MYRFL: variants seen among roughly 807,000 people sequenced by gnomAD.
MYRFL encodes the protein myelin regulatory factor like.
Under a neutral mutation model 109.4 loss-of-function variants are expected in MYRFL, and 88 were observed. The ratio of observed to expected loss-of-function variants is 0.80; its 90% CI spans 0.68 to 0.96. The LOEUF (loss-of-function observed/expected upper bound fraction) is 0.96. Among genes scored for constraint, MYRFL ranks in the 40% least tolerant of loss-of-function variants. The probability of loss-of-function intolerance (pLI) is 0.00; values close to 1 mark genes in which losing one functional copy is unlikely to be tolerated. For missense variants in MYRFL, 957 were observed against 954.9 expected (o/e 1.00, Z -0.03); for synonymous variants, 324 against 320.9 (o/e 1.01, Z -0.10).
intron 5 of MYRFL, among the ~76,000 whole-genome samples, chr12:69,885,338 T>G (rs1886381661): frequency 6.6e-6 from 1 of 152,038 alleles, no homozygotes; most frequent in South Asian, 2.1e-4. Context: ...TTACATTTGG[T>G]ATGAAAAGCA....
chr12:69,841,235 G>A (rs146160096), intron 1 of MYRFL, among the ~76,000 whole-genome samples: 56 of 152,196 alleles, frequency 3.7e-4, no homozygotes, highest in African/African-American at 1.3e-3. Context: ...CTCCTTCCCC[G>A]GCTCCTCATC....
intron 15 of MYRFL, among the ~76,000 whole-genome samples, chr12:69,929,389 T>A (rs1955200358): frequency 6.6e-6 from 1 of 152,202 alleles, no homozygotes; most frequent in South Asian, 2.1e-4. Flanking sequence ...TGTACCTGGA[T>A]GTCAGCAATG....
chr12:69,908,609 A>C (rs1018025917), intron 11 of MYRFL, among the ~76,000 whole-genome samples: 3 of 152,150 alleles, frequency 2.0e-5, no homozygotes, highest in Non-Finnish European at 4.4e-5. Flanking sequence ...AATATTTTCA[A>C]CACCTCCTCA....
chr12:69,869,298 G>T (rs1240226), intron 2 of MYRFL, among the ~76,000 whole-genome samples: 37,833 of 152,070 alleles, frequency 0.25, 5,471 homozygotes, highest in Middle Eastern at 0.38. Flanking sequence ...GCTTAGTATT[G>T]TTTTCAAATT....
In MYRFL at chr12:69,958,591, C is replaced by T. The variant is rs1042461917; in HGVS notation, c.*60C>T. The stretch of plus-strand genomic sequence containing the variant: ...TACTCAGGAATACATTTAACAGAAA[C>T]GAACATCCTCTTGCAACTTCTTTTT... On this transcript the variant is annotated 3_prime_UTR_variant, in exon 25 of 25. Coordinates refer to ENST00000552032, the MANE Select transcript of MYRFL (RefSeq NM_182530.3). The T allele has an allele frequency of 2.4e-5, 29 of 1,220,862 alleles. No homozygotes were observed. The highest frequency in any genetic ancestry group is 1.1e-4 in the South Asian group (8 of 71,680). The allele number at this position is 1,220,862 out of a possible 1,614,324, so 75.6% of individuals were successfully genotyped here.
At chr12:69,948,091 T>G (rs896881971) in intron 19 of MYRFL, among the ~76,000 whole-genome samples, 3 of 152,122 alleles carry the variant, frequency 2.0e-5, no homozygotes, top group Admixed American at 6.6e-5. Context: ...TGGAAGGCAT[T>G]TGTAAAATGA....
intron 1 of MYRFL, among the ~76,000 whole-genome samples, chr12:69,828,021 T>A (rs761168370): frequency 1.5e-4 from 23 of 152,266 alleles, no homozygotes; most frequent in Non-Finnish European, 3.1e-4. Context: ...TATAATGTTA[T>A]AATCAGGGAA....
intron 1 of MYRFL, among the ~76,000 whole-genome samples, chr12:69,828,123 G>T (rs1179247771): frequency 6.6e-6 from 1 of 152,024 alleles, no homozygotes; most frequent in Non-Finnish European, 1.5e-5. Flanking sequence ...ATTTTGACAT[G>T]GATTGAAAGG....
At chr12:69,922,001 G>A (rs1948450) in intron 13 of MYRFL, among the ~76,000 whole-genome samples, 20,061 of 151,994 alleles carry the variant, frequency 0.13, 1,655 homozygotes, top group African/African-American at 0.24. Flanking sequence ...TTTAAAGAAG[G>A]AGATGGTTAC....
At chr12:69,947,154 A>T (rs2120530884) in intron 19 of MYRFL, 1 of 152,366 alleles carries the variant, frequency 6.6e-6, no homozygotes, top group South Asian at 2.1e-4. Context: ...TAAAGCATTA[A>T]AGACCAATTA....
chr12:69,851,940 G>C (rs548220760), intron 1 of MYRFL, among the ~76,000 whole-genome samples: 7 of 152,170 alleles, frequency 4.6e-5, no homozygotes, highest in Non-Finnish European at 7.4e-5. Flanking sequence ...GGGATTACAG[G>C]CATGAGCTGT....
At chr12:69,859,058 C>A (rs1010215439) in intron 2 of MYRFL, among the ~76,000 whole-genome samples, 2 of 151,716 alleles carry the variant, frequency 1.3e-5, no homozygotes, top group Non-Finnish European at 2.9e-5. Context: ...TTTTTCAGTT[C>A]AAAATACTTT....
chr12:69,866,818 G>T (rs1193524112), intron 2 of MYRFL, among the ~76,000 whole-genome samples: 1 of 152,202 alleles, frequency 6.6e-6, no homozygotes, highest in Non-Finnish European at 1.5e-5. Flanking sequence ...TGTCCCATTA[G>T]ATGCTGTGAG....
In MYRFL at chr12:69,950,169, G is replaced by A. The variant is rs553088007; in HGVS notation, c.2225-1944G>A. ...AGACCACAAACTCTACTTGTATGAA[G>A]AAGGTTAACGTTTCATTATTTTACT... On this transcript the variant is annotated intron_variant, in intron 19 of 24. Coordinates refer to ENST00000552032, the MANE Select transcript of MYRFL (RefSeq NM_182530.3). Among the ~76,000 whole-genome samples, 247 of 152,062 alleles carry A rather than the reference G, an allele frequency of 1.6e-3. 1 individual carries two copies. Among genetic ancestry groups the A allele is most frequent in the South Asian group, 5.8e-3 (28 of 4,818 alleles).
intron 5 of MYRFL, among the ~76,000 whole-genome samples, chr12:69,882,423 T>C (rs1438046799): frequency 1.3e-5 from 2 of 152,250 alleles, no homozygotes; most frequent in African/African-American, 4.8e-5. Flanking sequence ...TCCTATTTGA[T>C]GTTGCAGGGG....
At position 69,891,079 on chromosome 12, in the gene MYRFL, C is replaced by T. The variant is rs541173571; in HGVS notation, c.816C>T (p.Ile272=). 1 of 1,535,026 alleles carries T rather than the reference C, an allele frequency of 6.5e-7. No individual in the cohort carries two copies. The highest frequency in any genetic ancestry group is 2.4e-5 in the East Asian group (1 of 40,880). ...KKNHFQITIH[I]QVWGSPKFVE... Reference sequence around the variant, plus strand: ...ATCATTTCCAGATAACCATTCACATCCAAGTTTGGGGAAGTCCAAAATTTG... The same window carrying T: ...ATCATTTCCAGATAACCATTCACATTCAAGTTTGGGGAAGTCCAAAATTTG... The change falls in exon 7 of 25, where the codon ATC becomes ATT. Residue 272 remains isoleucine (I), a synonymous_variant. Coordinates refer to ENST00000552032, the MANE Select transcript of MYRFL (RefSeq NM_182530.3).
At chr12:69,856,527 T>C (rs1237719658) in intron 2 of MYRFL, among the ~76,000 whole-genome samples, 1 of 152,076 alleles carries the variant, frequency 6.6e-6, no homozygotes, top group African/African-American at 2.4e-5. Flanking sequence ...GCATGAGATA[T>C]CCAATTGCTT....
intron 6 of MYRFL, among the ~76,000 whole-genome samples, chr12:69,889,544 A>T (rs906650706): frequency 3.3e-5 from 5 of 152,110 alleles, no homozygotes; most frequent in African/African-American, 1.2e-4. Flanking sequence ...TCTTTTGAGC[A>T]TCATGTAGGT....
chr12:69,846,570 G>A lies in MYRFL; in HGVS notation c.47-8710G>A, dbSNP rs1053019895. On this transcript the variant is annotated intron_variant, in intron 1 of 24. Transcript: ENST00000552032. ...GCATAGTATTCCATGGTGTATATGT[G>A]CCACATTTTCTTAATCCAGTCTATC... Among the ~76,000 whole-genome samples, 112 of 151,876 alleles carry A rather than the reference G, an allele frequency of 7.4e-4. 1 individual carries two copies. The highest frequency in any genetic ancestry group is 2.7e-3 in the African/African-American group (111 of 41,440).
Sources: gnomAD v4.1 joint callset for allele counts (sites outside exome capture counted in the v4.1 genomes callset) on GRCh38, gnomAD v4.1.1 for gene constraint, MANE v1.5 for transcripts, NCBI Gene and HGNC (gene_info 2026-07-23, HGNC 2026-07-21) for gene names.